COMMD10: variants seen among roughly 807,000 people sequenced by gnomAD.
COMMD10 encodes COMM domain containing 10.
Under a neutral mutation model 28.9 loss-of-function variants are expected in COMMD10, and 33 were observed. The observed-to-expected ratio is 1.14, with a 90% confidence interval of 0.87 to 1.53. The LOEUF (loss-of-function observed/expected upper bound fraction) is 1.53, where lower values mean the gene tolerates loss of function less well. COMMD10 is among the 40% of genes most tolerant of loss of function. COMMD10 has a pLI of 0.00. For synonymous variants in COMMD10, 110 were observed against 81.7 expected (o/e 1.35, Z -1.87); for missense variants, 310 against 233.4 (o/e 1.33, Z -2.14).
intron 5 of COMMD10, among the ~76,000 whole-genome samples, chr5:116,273,416 A>G (rs1750809435): frequency 2.0e-5 from 3 of 151,844 alleles, no homozygotes; most frequent in South Asian, 2.1e-4. Context: ...CTCATCCAAG[A>G]TAGAAGATGT....
chr5:116,228,138 T>G (rs1749442880), intron 5 of COMMD10, among the ~76,000 whole-genome samples: 1 of 152,022 alleles, frequency 6.6e-6, no homozygotes, highest in Admixed American at 6.6e-5. Flanking sequence ...TCCTGCTTTC[T>G]TTAAATTAGA....
At chr5:116,221,491 A>G (rs1246194443) in intron 5 of COMMD10, among the ~76,000 whole-genome samples, 1 of 152,192 alleles carries the variant, frequency 6.6e-6, no homozygotes, top group Non-Finnish European at 1.5e-5. Flanking sequence ...CTTATTACTG[A>G]GGATACTCTT....
At chr5:116,250,701 G>A (rs1178454501) in intron 5 of COMMD10, among the ~76,000 whole-genome samples, 1 of 151,904 alleles carries the variant, frequency 6.6e-6, no homozygotes, top group Non-Finnish European at 1.5e-5. Flanking sequence ...TGCAGAGGAG[G>A]AGATGGGAGG....
intron 4 of COMMD10, among the ~76,000 whole-genome samples, chr5:116,127,906 C>T (rs1227341303): frequency 1.3e-5 from 2 of 151,804 alleles, no homozygotes; most frequent in Non-Finnish European, 2.9e-5. Flanking sequence ...GCACATGTAC[C>T]CTAGAACTTA....
At chr5:116,106,801 C>G (rs1750855073) in intron 4 of COMMD10, among the ~76,000 whole-genome samples, 1 of 151,970 alleles carries the variant, frequency 6.6e-6, no homozygotes, top group East Asian at 1.9e-4. Flanking sequence ...GATTGCAACC[C>G]CTCCTTTTTT....
At chr5:116,184,171 C>T (rs1246411112) in intron 5 of COMMD10, among the ~76,000 whole-genome samples, 1 of 151,458 alleles carries the variant, frequency 6.6e-6, no homozygotes, top group Non-Finnish European at 1.5e-5. Context: ...ACCATAATAA[C>T]ACGTAGAAAA....
intron 5 of COMMD10, among the ~76,000 whole-genome samples, chr5:116,219,525 G>A (rs745808246): frequency 3.9e-5 from 6 of 152,238 alleles, no homozygotes; most frequent in South Asian, 4.2e-4. Context: ...AAGGTGGTAC[G>A]ATCACTAAGG....
chr5:116,109,079 A>G (rs895675712), intron 4 of COMMD10, among the ~76,000 whole-genome samples: 2 of 152,182 alleles, frequency 1.3e-5, no homozygotes, highest in Admixed American at 6.5e-5. Flanking sequence ...TTGGAAGTGC[A>G]GAAATCACCT....
chr5:116,129,395 A>T (rs1393610382), intron 4 of COMMD10, among the ~76,000 whole-genome samples: 1 of 144,088 alleles, frequency 6.9e-6, no homozygotes, highest in African/African-American at 2.5e-5. Flanking sequence ...TAGTATATAT[A>T]CACTATATAC....
intron 5 of COMMD10, among the ~76,000 whole-genome samples, chr5:116,267,629 C>A (rs1312172292): frequency 6.6e-6 from 1 of 151,922 alleles, no homozygotes; most frequent in Non-Finnish European, 1.5e-5. Flanking sequence ...AAAAAAGAGC[C>A]TGCATTGCCA....
At chr5:116,186,772 C>T (rs932550607) in intron 5 of COMMD10, among the ~76,000 whole-genome samples, 1 of 152,116 alleles carries the variant, frequency 6.6e-6, no homozygotes, top group African/African-American at 2.4e-5. Context: ...CAGTTCAGTG[C>T]ATCAGTTGTG....
At chr5:116,134,954 A>G (rs1248286622) in intron 5 of COMMD10, among the ~76,000 whole-genome samples, 1 of 152,058 alleles carries the variant, frequency 6.6e-6, no homozygotes, top group East Asian at 1.9e-4. Flanking sequence ...ATTTTACTTT[A>G]TTATTAATTT....
intron 5 of COMMD10, among the ~76,000 whole-genome samples, chr5:116,154,942 A>G (rs1321671066): frequency 6.6e-6 from 1 of 152,126 alleles, no homozygotes; most frequent in African/African-American, 2.4e-5. Flanking sequence ...TCCCAGTATA[A>G]CATTTCTAAA....
At chr5:116,234,763 T>C (rs375760813) in intron 5 of COMMD10, among the ~76,000 whole-genome samples, 11 of 152,312 alleles carry the variant, frequency 7.2e-5, no homozygotes, top group Non-Finnish European at 1.5e-4. Flanking sequence ...ATTTCACTTA[T>C]AAGGGTAAAG....
intron 4 of COMMD10, among the ~76,000 whole-genome samples, chr5:116,131,449 C>T (rs539825535): frequency 1.3e-5 from 2 of 151,786 alleles, no homozygotes; most frequent in East Asian, 3.9e-4. Context: ...GAAGAACCAA[C>T]CAAATATTAG....
At chr5:116,246,946 G>C (rs754575168) in intron 5 of COMMD10, among the ~76,000 whole-genome samples, 10 of 152,042 alleles carry the variant, frequency 6.6e-5, no homozygotes, top group Non-Finnish European at 1.3e-4. Flanking sequence ...GACACCGAAA[G>C]CGATTGCAAC....
At chr5:116,134,843 G>A (rs1383924522) in intron 5 of COMMD10, among the ~76,000 whole-genome samples, 2 of 151,896 alleles carry the variant, frequency 1.3e-5, no homozygotes, top group Non-Finnish European at 2.9e-5. Flanking sequence ...GGATGGTCTC[G>A]ATCCCCTGAC....
intron 5 of COMMD10, among the ~76,000 whole-genome samples, chr5:116,226,380 C>T (rs937881304): frequency 1.3e-5 from 2 of 149,704 alleles, no homozygotes; most frequent in Non-Finnish European, 3.0e-5. Context: ...TCAACTCTTC[C>T]AAATTTGTAA....
intron 5 of COMMD10, among the ~76,000 whole-genome samples, chr5:116,209,880 CTT>C (rs1174667914): frequency 1.3e-5 from 2 of 152,082 alleles, no homozygotes; most frequent in Non-Finnish European, 2.9e-5. Flanking sequence ...TAGTTACTCT[CTT>C]TATTCTGGTG....
Sources: allele counts gnomAD v4.1 joint callset (sites outside exome capture counted in the v4.1 genomes callset), GRCh38; gene constraint gnomAD v4.1.1; transcripts MANE v1.5; gene names NCBI Gene and HGNC (gene_info 2026-07-23, HGNC 2026-07-21).